Variants in PTPRM observed in about 807,000 individuals in gnomAD.
PTPRM encodes receptor-type tyrosine-protein phosphatase mu.
Under a neutral mutation model 186.7 loss-of-function variants are expected in PTPRM, and 47 were observed. The ratio of observed to expected loss-of-function variants is 0.25; its 90% CI spans 0.20 to 0.32. The LOEUF (loss-of-function observed/expected upper bound fraction) is 0.32. PTPRM is among the 10% of genes least tolerant of loss of function. The pLI, the probability that PTPRM is intolerant of heterozygous loss-of-function variation, is 1.00. For synonymous variants in PTPRM, 668 were observed against 674.9 expected (o/e 0.99, Z 0.16); for missense variants, 1,494 against 1,865.0 (o/e 0.80, Z 3.66).
In PTPRM at chr18:8,150,237, G is replaced by A. The variant is rs866743817; in HGVS notation, c.2300+6458G>A. 9.9e-5 allele frequency among the ~76,000 whole-genome samples: 15 copies of A among 152,166 alleles called. 1 individual carries two copies. The South Asian group carries it at 3.1e-3, about 32-fold the overall frequency. On this transcript the variant is annotated intron_variant, in intron 14 of 32. Transcript: ENST00000580170. The stretch of plus-strand genomic sequence containing the variant: ...TCTCCTGGATAATATCCTCAAGAGT[G>A]TTTTCCAACTTGGTTCCATTCTCCT...
At chr18:7,779,865 C>T (rs929097200) in intron 2 of PTPRM, among the ~76,000 whole-genome samples, 4 of 152,138 alleles carry the variant, frequency 2.6e-5, no homozygotes, top group African/African-American at 4.8e-5. Context: ...GATTTTTCAC[C>T]GAGTGAAACA....
At chr18:8,086,932 A>T (rs1261132450) in intron 10 of PTPRM, among the ~76,000 whole-genome samples, 1 of 152,166 alleles carries the variant, frequency 6.6e-6, no homozygotes, top group Non-Finnish European at 1.5e-5. Context: ...TAGAAACAGT[A>T]TGGAGAGTTG....
At chr18:8,327,782 G>A (rs1330369999) in intron 22 of PTPRM, among the ~76,000 whole-genome samples, 2 of 152,176 alleles carry the variant, frequency 1.3e-5, no homozygotes, top group Non-Finnish European at 2.9e-5. Flanking sequence ...ATCAAATCCT[G>A]TATTTAGAGA....
intron 7 of PTPRM, among the ~76,000 whole-genome samples, chr18:7,978,667 C>T (rs2055123314): frequency 6.6e-6 from 1 of 152,132 alleles, no homozygotes; most frequent in Admixed American, 6.6e-5. Context: ...CTTTGTAGTA[C>T]TGTGAAATCA....
intron 31 of PTPRM, 82 bp downstream of exon 31, chr18:8,387,317 T>C: frequency 7.2e-7 from 1 of 1,383,490 alleles, no homozygotes; most frequent in Non-Finnish European, 9.9e-7. Context: ...GACTTTTGTT[T>C]CACTAGAAAT....
chr18:7,911,103 A>G (rs2050240615), intron 4 of PTPRM, among the ~76,000 whole-genome samples: 1 of 152,200 alleles, frequency 6.6e-6, no homozygotes, highest in Non-Finnish European at 1.5e-5. Flanking sequence ...GTGTATATCA[A>G]TATTTCACTC....
chr18:8,259,934 C>G (rs11876266), intron 19 of PTPRM, among the ~76,000 whole-genome samples: 93,605 of 152,018 alleles, frequency 0.62, 28,962 homozygotes, highest in Admixed American at 0.67. Context: ...GAGCCACCCT[C>G]TCTGGCCCCA....
chr18:7,874,661 C>T (rs2048143511), intron 2 of PTPRM, among the ~76,000 whole-genome samples: 1 of 151,908 alleles, frequency 6.6e-6, no homozygotes, highest in Non-Finnish European at 1.5e-5. Context: ...GAATTAACAA[C>T]AACAAAACCT....
At chr18:7,726,736 G>A (rs1190415586) in intron 1 of PTPRM, among the ~76,000 whole-genome samples, 1 of 152,208 alleles carries the variant, frequency 6.6e-6, no homozygotes, top group African/African-American at 2.4e-5. Context: ...GGACTGTAAT[G>A]TGACTTCCCT....
intron 1 of PTPRM, among the ~76,000 whole-genome samples, chr18:7,586,684 A>G (rs1429461213): frequency 6.6e-6 from 1 of 152,220 alleles, no homozygotes; most frequent in Non-Finnish European, 1.5e-5. Context: ...CACTATAAAC[A>G]TTTAAAAACA....
intron 9 of PTPRM, among the ~76,000 whole-genome samples, chr18:8,082,102 A>G (rs1276297872): frequency 6.6e-6 from 1 of 152,128 alleles, no homozygotes; most frequent in African/African-American, 2.4e-5. Context: ...GAGCGGATGC[A>G]CACACCCGCT....
intron 14 of PTPRM, among the ~76,000 whole-genome samples, chr18:8,240,618 GGAGAGAGAGAGAGAGAGA>G (rs372227037): frequency 2.3e-4 from 8 of 34,820 alleles, no homozygotes; most frequent in Admixed American, 7.3e-4. Context: ...AGAGAGGGAG[GGAGAGAGAGAGAGAGAGA>G]GAGAGAGAGA....
At chr18:7,750,448 T>C (rs114127669) in intron 1 of PTPRM, among the ~76,000 whole-genome samples, 1,544 of 152,348 alleles carry the variant, frequency 0.01, 24 homozygotes, top group African/African-American at 0.035. Context: ...GTTTTCTTTT[T>C]GTTCTGGTGA....
chr18:8,172,157 C>T (rs1479795045), intron 14 of PTPRM, among the ~76,000 whole-genome samples: 2 of 152,054 alleles, frequency 1.3e-5, no homozygotes, highest in African/African-American at 4.8e-5. Flanking sequence ...GTTTAATGGA[C>T]TCACAGTTCT....
At chr18:7,691,779 CA>C (rs1354064489) in intron 1 of PTPRM, among the ~76,000 whole-genome samples, 1 of 151,972 alleles carries the variant, frequency 6.6e-6, no homozygotes, top group Non-Finnish European at 1.5e-5. Flanking sequence ...ACAACAAAAA[CA>C]AAAAAACAAT....
intron 20 of PTPRM, among the ~76,000 whole-genome samples, chr18:8,307,691 C>A (rs540687954): frequency 7.2e-5 from 11 of 151,906 alleles, no homozygotes; most frequent in Non-Finnish European, 1.5e-4. Context: ...GTAATCCCAG[C>A]TACTCAAAAG....
intron 17 of PTPRM, 194 bp downstream of exon 17, chr18:8,248,370 G>A (rs1287790171): frequency 1.5e-6 from 1 of 678,748 alleles, no homozygotes. Context: ...TTAATAAGAG[G>A]GGTTTGCTGC....
intron 14 of PTPRM, among the ~76,000 whole-genome samples, chr18:8,164,288 C>G (rs2093282223): frequency 1.3e-5 from 2 of 152,228 alleles, no homozygotes; most frequent in South Asian, 4.2e-4. Flanking sequence ...GAAAAAGGTT[C>G]TATGCTGGGA....
At chr18:7,815,449 C>T (rs1223316505) in intron 2 of PTPRM, 1 of 152,150 alleles carries the variant, frequency 6.6e-6, no homozygotes, top group African/African-American at 2.4e-5. Flanking sequence ...TAAAGTGATA[C>T]ATTTGGTTTG....
Sources: allele counts gnomAD v4.1 joint callset (sites outside exome capture counted in the v4.1 genomes callset), GRCh38; gene constraint gnomAD v4.1.1; transcripts MANE v1.5; gene names NCBI Gene and HGNC (gene_info 2026-07-23, HGNC 2026-07-21).